Variants in WNT3A observed in about 807,000 individuals in gnomAD.
The protein encoded by WNT3A is Wnt family member 3A.
In WNT3A, 17 loss-of-function variants were observed where a neutral mutation model predicts 37.0. That is an observed-to-expected ratio of 0.46 (90% CI 0.31 to 0.69). The LOEUF (loss-of-function observed/expected upper bound fraction) is 0.69. Among genes scored for constraint, WNT3A ranks in the 30% least tolerant of loss-of-function variants. The pLI is 0.05. For missense variants in WNT3A, 411 were observed against 510.2 expected, an observed-to-expected ratio of 0.81 and a Z score of 1.87; for synonymous variants, 187 against 211.0, an observed-to-expected ratio of 0.89 and a Z score of 0.99.
intron 2 of WNT3A, among the ~76,000 whole-genome samples, chr1:228,025,746 G>A (rs1361513378): frequency 1.3e-5 from 2 of 151,954 alleles, no homozygotes; most frequent in East Asian, 3.9e-4. Flanking sequence ...TCTTTTTGAT[G>A]CTATTGTCAA....
intron 2 of WNT3A, among the ~76,000 whole-genome samples, chr1:228,045,594 C>G (rs528544370): frequency 6.6e-6 from 1 of 152,128 alleles, no homozygotes; most frequent in Non-Finnish European, 1.5e-5. Context: ...TCCAGCCACA[C>G]GTGTATTCAC....
Position 228,055,158 on chromosome 1 carries a change from C to CA in WNT3A, c.580-3806dup, listed in dbSNP as rs34263332. Among the ~76,000 whole-genome samples the CA allele has an allele frequency of 1.3e-3, 21 of 15,768 alleles. 4 individuals carry two copies. Among genetic ancestry groups the CA allele is most frequent in the African/African-American group, 5.1e-3 (16 of 3,108 alleles). 10.3% of individuals were successfully genotyped at this position (15,768 alleles called of 152,430 possible). The stretch of plus-strand genomic sequence containing the variant: ...GGAGTTTTTTTTGGAAACTCCGTCC[C>CA]AAAAAAAAAAAAAAAAAAAAAATAT... On this transcript the variant is annotated intron_variant, in intron 3 of 3. Coordinates refer to ENST00000284523, the MANE Select transcript of WNT3A (RefSeq NM_033131.4).
At chr1:228,049,772 T>G (rs1051999052) in intron 2 of WNT3A, among the ~76,000 whole-genome samples, 1 of 152,148 alleles carries the variant, frequency 6.6e-6, no homozygotes, top group Non-Finnish European at 1.5e-5. Flanking sequence ...TCTTTCCAGG[T>G]GCATGCTGGC....
intron 2 of WNT3A, among the ~76,000 whole-genome samples, chr1:228,036,358 C>T (rs2031142668): frequency 6.6e-6 from 1 of 151,598 alleles, no homozygotes; most frequent in Non-Finnish European, 1.5e-5. Flanking sequence ...TATGTGCATG[C>T]CTGTGTGTAT....
rs1156522374 is a variant in WNT3A at position 228,061,143 on chromosome 1, G to T, written c.*1678G>T. On this transcript the variant is annotated 3_prime_UTR_variant, in exon 4 of 4. Coordinates refer to ENST00000284523, the MANE Select transcript of WNT3A (RefSeq NM_033131.4). ...CACCCTCAAGGTGCGGGGAGAAGAA[G>T]CGGCCAGGCGGGGCGCCCCAAGAGC... 6.6e-6 allele frequency: 1 copy of T among 152,634 alleles called. No homozygotes were observed. Among genetic ancestry groups the T allele is most frequent in the African/African-American group, 2.4e-5 (1 of 41,472 alleles). 9.5% of individuals were successfully genotyped at this position (152,634 alleles called of 1,614,324 possible).
Position 228,031,728 on chromosome 1 carries a change from C to G in WNT3A, c.313+8820C>G, listed in dbSNP as rs1162346151. Among the ~76,000 whole-genome samples the G allele has an allele frequency of 6.6e-6, 1 of 152,080 alleles. No individual in the cohort carries two copies. The highest frequency in any genetic ancestry group is 1.5e-5 in the Non-Finnish European group (1 of 68,030). On this transcript the variant is annotated intron_variant, in intron 2 of 3. Coordinates refer to ENST00000284523, the MANE Select transcript of WNT3A (RefSeq NM_033131.4). The surrounding 1 kb of genome is among the most constrained non-coding windows in gnomAD (Gnocchi z 4.8). ...GTGGCTGTGGCATGCATGTGCATGC[C>G]TATGTGTGCATGTGATGCAGTTGCT...
intron 2 of WNT3A, among the ~76,000 whole-genome samples, chr1:228,035,539 G>C (rs2031116229): frequency 6.6e-6 from 1 of 152,220 alleles, no homozygotes; most frequent in African/African-American, 2.4e-5. Context: ...AGAGAAGGTA[G>C]GACTCCAGAG....
chr1:228,055,583 A>G (rs2031669640), intron 3 of WNT3A, among the ~76,000 whole-genome samples: 1 of 152,144 alleles, frequency 6.6e-6, no homozygotes, highest in Admixed American at 6.6e-5. Flanking sequence ...ACAGAAAATA[A>G]AGAGGAAACA....
At chr1:228,018,047 A>G (rs1468948902) in intron 1 of WNT3A, among the ~76,000 whole-genome samples, 1 of 152,202 alleles carries the variant, frequency 6.6e-6, no homozygotes, top group Non-Finnish European at 1.5e-5. Flanking sequence ...CATCCTTTTC[A>G]CGTTCCAAGG....
intron 2 of WNT3A, among the ~76,000 whole-genome samples, chr1:228,046,187 G>T (rs1323556380): frequency 1.3e-5 from 2 of 152,266 alleles, no homozygotes; most frequent in Non-Finnish European, 2.9e-5. Flanking sequence ...TAGATCCAGA[G>T]GGGGCCTGGC....
At chr1:228,046,128 C>G (rs1431312783) in intron 2 of WNT3A, among the ~76,000 whole-genome samples, 1 of 152,268 alleles carries the variant, frequency 6.6e-6, no homozygotes, top group Non-Finnish European at 1.5e-5. Flanking sequence ...GGACAAAGGG[C>G]TGAGTGCGGC....
chr1:228,011,878 T>C (rs940007036), intron 1 of WNT3A, among the ~76,000 whole-genome samples: 10 of 152,120 alleles, frequency 6.6e-5, no homozygotes, highest in African/African-American at 2.4e-4. Flanking sequence ...ACGTCAAGTG[T>C]CTGCAACCAG....
At chr1:228,043,381 G>A (rs563170056) in intron 2 of WNT3A, among the ~76,000 whole-genome samples, 3 of 152,190 alleles carry the variant, frequency 2.0e-5, no homozygotes, top group Admixed American at 6.5e-5. Flanking sequence ...CAGCATTTGT[G>A]TCTAAGCACC....
intron 2 of WNT3A, among the ~76,000 whole-genome samples, chr1:228,030,190 T>C (rs2030964855): frequency 6.6e-6 from 1 of 151,320 alleles, no homozygotes; most frequent in African/African-American, 2.4e-5. Flanking sequence ...AGGTCAGGAG[T>C]TCGAGACCAG....
At chr1:228,025,959 A>G (rs1261893050) in intron 2 of WNT3A, among the ~76,000 whole-genome samples, 4 of 141,350 alleles carry the variant, frequency 2.8e-5, no homozygotes, top group African/African-American at 5.3e-5. Flanking sequence ...AGGTCTCCCT[A>G]TGTTGCCCAG....
At chr1:228,015,030 A>G (rs1293872508) in intron 1 of WNT3A, among the ~76,000 whole-genome samples, 1 of 152,254 alleles carries the variant, frequency 6.6e-6, no homozygotes, top group East Asian at 1.9e-4. Flanking sequence ...AACAAAACAA[A>G]ACAAAACCTA....
At chr1:228,026,982 ACAGG>A (rs2030868596) in intron 2 of WNT3A, among the ~76,000 whole-genome samples, 1 of 152,164 alleles carries the variant, frequency 6.6e-6, no homozygotes, top group Middle Eastern at 3.2e-3. Flanking sequence ...AGCTGGGACT[ACAGG>A]CACCAGCCAC....
chr1:228,021,347 GCA>G (rs1433280637), intron 1 of WNT3A, among the ~76,000 whole-genome samples: 5 of 152,330 alleles, frequency 3.3e-5, no homozygotes, highest in African/African-American at 1.2e-4. Context: ...CAAAAGCAGA[GCA>G]CAGCCTGGGA....
chr1:228,058,506 A>G (rs2031725943), intron 3 of WNT3A, among the ~76,000 whole-genome samples: 1 of 152,224 alleles, frequency 6.6e-6, no homozygotes, highest in Non-Finnish European at 1.5e-5. Context: ...CTTCCTCTGC[A>G]GTCCCCATAC....
Sources: gnomAD v4.1 joint callset for allele counts (sites outside exome capture counted in the v4.1 genomes callset) on GRCh38, gnomAD v4.1.1 for gene constraint, Gnocchi (gnomAD v3.1) non-coding constraint, MANE v1.5 for transcripts, NCBI Gene and HGNC (gene_info 2026-07-23, HGNC 2026-07-21) for gene names.